CPED1: variants seen among roughly 807,000 people sequenced by gnomAD.
The protein encoded by CPED1 is cadherin-like and PC-esterase domain-containing protein 1.
CPED1 carries 114 observed loss-of-function variants against 128.2 expected under a neutral mutation model. The observed-to-expected ratio is 0.89, with a 90% CI of 0.76 to 1.04. The LOEUF (loss-of-function observed/expected upper bound fraction) is 1.04, where lower values mean the gene tolerates loss of function less well. Ranked by LOEUF, CPED1 falls within the 50% of genes least tolerant of loss-of-function variation. CPED1 has a pLI of 0.00. For missense variants in CPED1, 1,211 were observed against 1,207.1 expected (o/e 1.00, Z -0.05); for synonymous variants, 462 against 426.7 (o/e 1.08, Z -1.02).
chr7:121,169,670 A>T (rs181529980), intron 16 of CPED1, among the ~76,000 whole-genome samples: 1 of 152,204 alleles, frequency 6.6e-6, no homozygotes, highest in Non-Finnish European at 1.5e-5. Context: ...ACATGCAATA[A>T]ATATTTGTTG....
At chr7:121,085,436 G>A (rs1406112328) in intron 5 of CPED1, among the ~76,000 whole-genome samples, 1 of 151,868 alleles carries the variant, frequency 6.6e-6, no homozygotes, top group Non-Finnish European at 1.5e-5. Context: ...TTTTTCTATT[G>A]TATGTAATAT....
At chr7:121,051,172 G>C in intron 4 of CPED1, 1 of 521,832 alleles carries the variant, frequency 1.9e-6, no homozygotes. Context: ...TCCAGCCTCT[G>C]ATGAAGCAGG....
chr7:121,224,679 C>G (rs967299123), intron 16 of CPED1, among the ~76,000 whole-genome samples: 1 of 151,352 alleles, frequency 6.6e-6, no homozygotes, highest in Non-Finnish European at 1.5e-5. Context: ...ATAGTTAGCT[C>G]TTCTTGTTGA....
chr7:121,166,851 A>G (rs1796537617), intron 16 of CPED1, among the ~76,000 whole-genome samples: 1 of 152,118 alleles, frequency 6.6e-6, no homozygotes, highest in Admixed American at 6.5e-5. Flanking sequence ...GATCGTGAAA[A>G]TCAGCAACAA....
At chr7:121,167,822 C>G (rs184790514) in intron 16 of CPED1, among the ~76,000 whole-genome samples, 1 of 149,922 alleles carries the variant, frequency 6.7e-6, no homozygotes, top group African/African-American at 2.5e-5. Context: ...AGCTCTGCCT[C>G]CCGGGTTCAC....
At chr7:121,277,413 G>A (rs1792350328) in intron 22 of CPED1, among the ~76,000 whole-genome samples, 1 of 152,108 alleles carries the variant, frequency 6.6e-6, no homozygotes, top group Non-Finnish European at 1.5e-5. Context: ...TCAGAAAATA[G>A]GTTGTAGTTG....
chr7:121,112,280 G>A (rs568351691), intron 7 of CPED1, among the ~76,000 whole-genome samples: 1 of 152,290 alleles, frequency 6.6e-6, no homozygotes, highest in South Asian at 2.1e-4. Context: ...CTTGGCAGGT[G>A]TAATTAAATT....
At position 121,140,542 on chromosome 7, in the gene CPED1, G is replaced by A. The variant is rs545684576; in HGVS notation, c.1700-285G>A. 4.6e-5 allele frequency among the ~76,000 whole-genome samples: 7 copies of A among 152,006 alleles called. No homozygotes were observed. The South Asian group carries it at 6.2e-4, about 14-fold the overall frequency. On this transcript the variant is annotated intron_variant, in intron 14 of 22. Transcript: ENST00000310396. ...CAATCCACAGGAGAGACATTTTCCCGCCTTGTGTGCCTTTAAACTTTCAAG... is the reference window on the plus strand; with the variant it reads ...CAATCCACAGGAGAGACATTTTCCCACCTTGTGTGCCTTTAAACTTTCAAG...
intron 16 of CPED1, among the ~76,000 whole-genome samples, chr7:121,199,415 C>T (rs1024976272): frequency 6.6e-6 from 1 of 151,786 alleles, no homozygotes; most frequent in Non-Finnish European, 1.5e-5. Flanking sequence ...CGCGGTGGCT[C>T]ACACCTATAA....
chr7:121,109,306 C>T lies in CPED1; in HGVS notation c.918+9212C>T, dbSNP rs145030563. On this transcript the variant is annotated intron_variant, in intron 7 of 22. Coordinates refer to ENST00000310396, the MANE Select transcript of CPED1 (RefSeq NM_024913.5). ...CGTCTGCCTATAGGGCGGTCATTCTCTCATTGCGTCACTGGCTGACACAGA... is the reference window on the plus strand; with the variant it reads ...CGTCTGCCTATAGGGCGGTCATTCTTTCATTGCGTCACTGGCTGACACAGA... Among the ~76,000 whole-genome samples, 5 of 152,266 alleles carry T rather than the reference C, an allele frequency of 3.3e-5. 1 individual carries two copies. The highest frequency in any genetic ancestry group is 1.2e-4 in the African/African-American group (5 of 41,562).
intron 22 of CPED1, among the ~76,000 whole-genome samples, chr7:121,283,000 T>C (rs1792492641): frequency 1.3e-5 from 2 of 152,250 alleles, no homozygotes; most frequent in South Asian, 2.1e-4. Context: ...GTTTCTCTTA[T>C]ACTTTTTCAT....
At chr7:121,016,991 A>G (rs899296454) in intron 3 of CPED1, among the ~76,000 whole-genome samples, 5 of 152,178 alleles carry the variant, frequency 3.3e-5, no homozygotes, top group African/African-American at 1.2e-4. Flanking sequence ...GTGCTGGCGA[A>G]TGAATGAAAG....
intron 16 of CPED1, among the ~76,000 whole-genome samples, chr7:121,180,453 T>A (rs1563056523): frequency 6.6e-6 from 1 of 152,096 alleles, no homozygotes; most frequent in East Asian, 1.9e-4. Flanking sequence ...TTCTGCATTA[T>A]CCTTTGAAGC....
In CPED1 at chr7:121,136,069, A is replaced by G; in HGVS notation, c.1678A>G (p.Lys560Glu). The G allele has an allele frequency of 6.5e-7, 1 of 1,545,418 alleles. No individual in the cohort carries two copies. Among genetic ancestry groups the G allele is most frequent in the East Asian group, 2.4e-5 (1 of 41,218 alleles). ...AGTTCCACAAATTAAAAATGAAAAT[A>G]AAGAAATACATTGCAGTGATGGTGA... ...AAVPQIKNEN[K>E]EIHCSDDENT... The change falls in exon 14 of 23, where the codon AAA becomes GAA. Residue 560 changes from lysine (K) to glutamate (E), a missense_variant. Physicochemically the swap from Lys to Glu is moderately conservative, Grantham distance 56. Transcript: ENST00000310396.
chr7:121,115,299 A>C (rs1795210047), intron 7 of CPED1, among the ~76,000 whole-genome samples: 1 of 152,208 alleles, frequency 6.6e-6, no homozygotes, highest in African/African-American at 2.4e-5. Flanking sequence ...GTTTGGTGTG[A>C]GAGAGGTGTA....
chr7:121,039,235 C>T (rs1391438612), intron 3 of CPED1, among the ~76,000 whole-genome samples: 1 of 152,054 alleles, frequency 6.6e-6, no homozygotes, highest in Non-Finnish European at 1.5e-5. Flanking sequence ...TCTACTTTAG[C>T]TTATAATTCA....
At chr7:121,054,110 G>A (rs796462670) in intron 4 of CPED1, among the ~76,000 whole-genome samples, 1 of 152,196 alleles carries the variant, frequency 6.6e-6, no homozygotes, top group Non-Finnish European at 1.5e-5. Context: ...CTGGGTACTA[G>A]GTGTGCCCAT....
chr7:121,281,247 G>C (rs1448639695), intron 22 of CPED1, among the ~76,000 whole-genome samples: 1 of 152,132 alleles, frequency 6.6e-6, no homozygotes, highest in Non-Finnish European at 1.5e-5. Context: ...GAAATTCAAA[G>C]TTATTTTTAG....
At chr7:121,109,802 T>A (rs1424884751) in intron 7 of CPED1, among the ~76,000 whole-genome samples, 1 of 152,218 alleles carries the variant, frequency 6.6e-6, no homozygotes, top group African/African-American at 2.4e-5. Flanking sequence ...AAATCATTAC[T>A]TTAAACTCAG....
Sources: gnomAD v4.1 joint callset for allele counts (sites outside exome capture counted in the v4.1 genomes callset) on GRCh38, gnomAD v4.1.1 for gene constraint, MANE v1.5 for transcripts, NCBI Gene and HGNC (gene_info 2026-07-23, HGNC 2026-07-21) for gene names.